PPP1R12A: variants seen among roughly 807,000 people sequenced by gnomAD.
The protein encoded by PPP1R12A is myosin binding subunit.
A neutral mutation model predicts 139.6 loss-of-function variants in PPP1R12A; 19 were observed. The observed-to-expected ratio is 0.14, with a 90% confidence interval of 0.09 to 0.20. PPP1R12A has a LOEUF of 0.20. PPP1R12A is among the 10% of genes least tolerant of loss of function. PPP1R12A has a pLI of 1.00. For missense variants in PPP1R12A, 925 were observed against 1,211.5 expected (o/e 0.76, Z 3.51); for synonymous variants, 427 against 420.6 (o/e 1.02, Z -0.19).
At position 79,820,951 on chromosome 12, in the gene PPP1R12A, T is replaced by C; in HGVS notation, c.957-20A>G. ...TCTTTGCTGTTAAAGGAAAACAGTG[T>C]TCAAATGATTAGAAATACAAAAGGT... On this transcript the variant is annotated intron_variant, in intron 7 of 24. Coordinates refer to ENST00000450142, the MANE Select transcript of PPP1R12A (RefSeq NM_002480.3). The C allele has an allele frequency of 6.2e-7, 1 of 1,611,418 alleles. No individual in the cohort carries two copies.
chr12:79,909,142 G>T (rs1378233433), intron 1 of PPP1R12A, among the ~76,000 whole-genome samples: 1 of 152,170 alleles, frequency 6.6e-6, no homozygotes, highest in Admixed American at 6.5e-5. Context: ...TCAACTCCCA[G>T]CCCTGTAATT....
intron 1 of PPP1R12A, chr12:79,913,748 T>C (rs1457219969): frequency 6.6e-6 from 1 of 152,232 alleles, no homozygotes; most frequent in Admixed American, 6.5e-5. Context: ...TGTTTGGACT[T>C]GTATTAAATC....
chr12:79,874,873 C>T (rs2137346383), intron 1 of PPP1R12A, among the ~76,000 whole-genome samples: 1 of 152,282 alleles, frequency 6.6e-6, no homozygotes, highest in East Asian at 1.9e-4. Flanking sequence ...CCTTACTATT[C>T]CTTGACCAGA....
At chr12:79,922,313 C>T (rs1887501321) in intron 1 of PPP1R12A, among the ~76,000 whole-genome samples, 1 of 152,112 alleles carries the variant, frequency 6.6e-6, no homozygotes, top group South Asian at 2.1e-4. Context: ...CTGTGGGTGA[C>T]ATATAGGGGA....
chr12:79,899,239 T>TAC (rs1885415719), intron 1 of PPP1R12A, among the ~76,000 whole-genome samples: 1 of 678 alleles, frequency 1.5e-3, no homozygotes, highest in South Asian at 9.4e-3. Flanking sequence ...TAAAAATATA[T>TAC]ATATATATAT....
At chr12:79,789,489 A>G (rs187680838) in intron 20 of PPP1R12A, 1 of 303,814 alleles carries the variant, frequency 3.3e-6, no homozygotes, top group East Asian at 1.0e-4. Flanking sequence ...GATTTGATGA[A>G]ATAAAGTATA....
chr12:79,883,829 T>C (rs1883865630), intron 1 of PPP1R12A, among the ~76,000 whole-genome samples: 1 of 152,132 alleles, frequency 6.6e-6, no homozygotes, highest in African/African-American at 2.4e-5. Context: ...TTGTGATACC[T>C]TAGTCAGTAA....
In PPP1R12A at chr12:79,934,972, A is replaced by G. The variant is rs1225173793; in HGVS notation, c.-41T>C. The G allele has an allele frequency of 3.9e-6, 6 of 1,540,938 alleles. No homozygotes were observed. The highest frequency in any genetic ancestry group is 1.9e-5 in the Admixed American group (1 of 51,288). ...CGGGTCTTCTTATCGCGAGGGGGGG[A>G]AGGGGGAGGCGGAGAGGGAAGAGAG... On this transcript the variant is annotated 5_prime_UTR_variant, in exon 1 of 25. Coordinates refer to ENST00000450142, the MANE Select transcript of PPP1R12A (RefSeq NM_002480.3).
intron 1 of PPP1R12A, among the ~76,000 whole-genome samples, chr12:79,907,824 G>T (rs947126096): frequency 2.0e-5 from 3 of 152,146 alleles, no homozygotes; most frequent in Admixed American, 1.3e-4. Flanking sequence ...CTTGAGCCAA[G>T]GAGTTCAAGA....
chr12:79,897,156 G>A (rs1885203349), intron 1 of PPP1R12A, among the ~76,000 whole-genome samples: 1 of 152,120 alleles, frequency 6.6e-6, no homozygotes, highest in South Asian at 2.1e-4. Context: ...TGATGGACTG[G>A]ATAAAGAAAA....
chr12:79,912,890 C>T (rs1197539581), intron 1 of PPP1R12A, among the ~76,000 whole-genome samples: 2 of 152,164 alleles, frequency 1.3e-5, no homozygotes, highest in African/African-American at 4.8e-5. Flanking sequence ...ATTGCTACTG[C>T]ATAAGTACAA....
chr12:79,930,025 C>T (rs1888130393), intron 1 of PPP1R12A, among the ~76,000 whole-genome samples: 1 of 152,096 alleles, frequency 6.6e-6, no homozygotes, highest in African/African-American at 2.4e-5. Context: ...TCTGGAAATA[C>T]AAAAATTGTG....
At chr12:79,909,906 T>C (rs1235649667) in intron 1 of PPP1R12A, among the ~76,000 whole-genome samples, 5 of 151,872 alleles carry the variant, frequency 3.3e-5, no homozygotes, top group African/African-American at 1.2e-4. Context: ...TTCACCATCT[T>C]GGCCAGGCTG....
chr12:79,868,417 A>G (rs542947253), intron 2 of PPP1R12A, among the ~76,000 whole-genome samples: 6 of 152,296 alleles, frequency 3.9e-5, no homozygotes, highest in African/African-American at 7.2e-5. Flanking sequence ...TATACTGCTT[A>G]TATTAGTTTG....
At position 79,809,886 on chromosome 12, in the gene PPP1R12A, G is replaced by A; in HGVS notation, c.1364C>T (p.Ser455Phe). 1 of 1,613,570 alleles carries A rather than the reference G, an allele frequency of 6.2e-7. No homozygotes were observed. The highest frequency in any genetic ancestry group is 8.5e-7 in the Non-Finnish European group (1 of 1,179,696). The change falls in exon 10 of 25, where the codon TCT becomes TTT. Residue 455 changes from serine (S) to phenylalanine (F), a missense_variant. Ser to Phe is a radical substitution (Grantham distance 155). Around this residue, in one of 4 missense-constraint regions of PPP1R12A, gnomAD observed 403 missense variants for 463.7 expected, o/e 0.87. Coordinates refer to ENST00000450142, the MANE Select transcript of PPP1R12A (RefSeq NM_002480.3). ...ATCTTTTTCTTTCTGACCCTCTTTA[G>A]ATGCTGTGATTTCAGCAAGTGCACC... Reference protein sequence around the residue: ...SYGALAEITASKEGQKEKDTA... With the variant: ...SYGALAEITAFKEGQKEKDTA...
Position 79,926,279 on chromosome 12 carries a change from G to A in PPP1R12A, c.237+8416C>T, listed in dbSNP as rs556740935. On this transcript the variant is annotated intron_variant, in intron 1 of 24. Transcript: ENST00000450142. ...CAGTTCACTCCAACCTCTGCCTCTTGGGTTCAGGCGATTCTCGTGCCTCAG... is the reference window on the plus strand; with the variant it reads ...CAGTTCACTCCAACCTCTGCCTCTTAGGTTCAGGCGATTCTCGTGCCTCAG... 1.6e-4 allele frequency among the ~76,000 whole-genome samples: 24 copies of A among 152,274 alleles called. No homozygotes were observed. The East Asian group carries it at 4.6e-3, about 29-fold the overall frequency.
chr12:79,814,640 A>G (rs948357535), intron 9 of PPP1R12A, among the ~76,000 whole-genome samples: 2 of 149,762 alleles, frequency 1.3e-5, no homozygotes, highest in Non-Finnish European at 1.5e-5. Context: ...ACATGATGAA[A>G]CCCCGTCTCT....
chr12:79,817,244 T>G (rs1875518928), intron 9 of PPP1R12A, 150 bp downstream of exon 9: 1 of 685,482 alleles, frequency 1.5e-6, no homozygotes. Flanking sequence ...GAAATCTCAT[T>G]CAACTGAGAA....
intron 3 of PPP1R12A, among the ~76,000 whole-genome samples, chr12:79,842,827 G>T (rs2137198776): frequency 6.6e-6 from 1 of 152,092 alleles, no homozygotes. Context: ...CCTTAGCTGG[G>T]ATTACAGGTC....
Sources: allele counts gnomAD v4.1 joint callset (sites outside exome capture counted in the v4.1 genomes callset), GRCh38; gene constraint gnomAD v4.1.1; regional missense constraint gnomAD v4.1.1; transcripts MANE v1.5; gene names NCBI Gene and HGNC (gene_info 2026-07-23, HGNC 2026-07-21).